Variants in AGMO observed in about 807,000 individuals in gnomAD.
The protein encoded by AGMO is glyceryl-ether monooxygenase.
Under a neutral mutation model 60.2 loss-of-function variants are expected in AGMO, and 75 were observed. That is an observed-to-expected ratio of 1.25 (90% CI 1.03 to 1.51). AGMO has a LOEUF of 1.51. AGMO is among the 40% of genes most tolerant of loss of function. The pLI is 0.00. For missense variants in AGMO, 763 were observed against 525.5 expected (o/e 1.45, Z -4.42); for synonymous variants, 261 against 177.1 (o/e 1.47, Z -3.76).
At chr7:15,379,878 T>A (rs1443168340) in intron 10 of AGMO, among the ~76,000 whole-genome samples, 3 of 152,262 alleles carry the variant, frequency 2.0e-5, no homozygotes, top group South Asian at 2.1e-4. Flanking sequence ...GTCAATGTGA[T>A]TCATTACGTT....
intron 12 of AGMO, among the ~76,000 whole-genome samples, chr7:15,243,258 T>C (rs1782645109): frequency 6.6e-6 from 1 of 152,110 alleles, no homozygotes; most frequent in African/African-American, 2.4e-5. Flanking sequence ...GGGTGGTAAA[T>C]ATTTATCAAT....
chr7:15,321,004 G>A (rs1781092365), intron 12 of AGMO, among the ~76,000 whole-genome samples: 1 of 152,074 alleles, frequency 6.6e-6, no homozygotes, highest in Non-Finnish European at 1.5e-5. Context: ...CACTCACCCT[G>A]TCCTAGCAAT....
rs1183602241 is a variant in AGMO at position 15,354,425 on chromosome 7, C to CGTGTGTACATAT, written c.1263+11088_1263+11089insATATGTACACAC. On this transcript the variant is annotated intron_variant, in intron 12 of 12. Transcript: ENST00000342526. ...GTGTGTACACACGTGTGTGTATACA[C>CGTGTGTACATAT]ACACGTGTGTGTATACACACGTGTG... is the stretch of plus-strand genomic sequence containing the variant. Among the ~76,000 whole-genome samples, 18 of 23,192 alleles carry CGTGTGTACATAT rather than the reference C, an allele frequency of 7.8e-4. 2 individuals are homozygous for CGTGTGTACATAT. The highest frequency in any genetic ancestry group is 5.2e-3 in the African/African-American group (14 of 2,710). The allele number at this position is 23,192 out of a possible 152,430, so 15.2% of individuals were successfully genotyped here.
At chr7:15,551,865 A>T (rs1444430895) in intron 2 of AGMO, among the ~76,000 whole-genome samples, 2 of 152,148 alleles carry the variant, frequency 1.3e-5, no homozygotes, top group Non-Finnish European at 2.9e-5. Flanking sequence ...TCACCAAGGC[A>T]ATCCTAAGCC....
At chr7:15,355,069 A>G (rs1335118340) in intron 12 of AGMO, among the ~76,000 whole-genome samples, 1 of 152,024 alleles carries the variant, frequency 6.6e-6, no homozygotes, top group East Asian at 1.9e-4. Flanking sequence ...ATGGACATAG[A>G]TTTTCCAATG....
chr7:15,199,887 C>T (rs563444898), downstream of AGMO, among the ~76,000 whole-genome samples: 7 of 152,264 alleles, frequency 4.6e-5, no homozygotes, highest in East Asian at 1.4e-3. Context: ...TTTAATCTTC[C>T]TCTGCTGTTC....
intron 6 of AGMO, among the ~76,000 whole-genome samples, chr7:15,392,050 T>C (rs1186090326): frequency 6.6e-6 from 1 of 152,030 alleles, no homozygotes; most frequent in Non-Finnish European, 1.5e-5. Context: ...TCTTCTCGAC[T>C]TCCTATATTT....
rs79806878 is a variant in AGMO at position 15,309,554 on chromosome 7, T to C, written c.1263+55960A>G. 1.5e-3 allele frequency among the ~76,000 whole-genome samples: 230 copies of C among 152,270 alleles called. No homozygotes were observed. In the East Asian group the frequency reaches 0.037, roughly 24 times the overall value. On this transcript the variant is annotated intron_variant, in intron 12 of 12. Coordinates refer to ENST00000342526, the MANE Select transcript of AGMO (RefSeq NM_001004320.2). ...CAATGTAAGTCAGGTGTTGTTTTCA[T>C]TGAATTTTATTTTTAAAGAGATATG... is the stretch of plus-strand genomic sequence containing the variant.
intron 3 of AGMO, among the ~76,000 whole-genome samples, chr7:15,536,886 A>C (rs1277843360): frequency 6.6e-6 from 1 of 152,008 alleles, no homozygotes; most frequent in Non-Finnish European, 1.5e-5. Context: ...TCAATAAATG[A>C]AAGTGGATAG....
chr7:15,301,353 C>T (rs556206846), intron 12 of AGMO, among the ~76,000 whole-genome samples: 1 of 152,038 alleles, frequency 6.6e-6, no homozygotes, highest in Non-Finnish European at 1.5e-5. Flanking sequence ...GCAGAAGAAT[C>T]ACGTGAACCC....
At chr7:15,142,024 A>G in the AGMO span, among the ~76,000 whole-genome samples, 595 of 152,248 alleles carry the variant, frequency 3.9e-3, 2 homozygotes, top group African/African-American at 0.012. Flanking sequence ...TCTCAGAGTC[A>G]AACTGCCTGA....
At chr7:15,352,625 C>T (rs544783487) in intron 12 of AGMO, among the ~76,000 whole-genome samples, 1 of 152,008 alleles carries the variant, frequency 6.6e-6, no homozygotes, top group Non-Finnish European at 1.5e-5. Flanking sequence ...ACCAGACATT[C>T]TGGCCTTGAG....
At position 15,528,725 on chromosome 7, in the gene AGMO, C is replaced by T. The variant is rs146468709; in HGVS notation, c.409+16047G>A. Among the ~76,000 whole-genome samples the T allele has an allele frequency of 4.7e-3, 712 of 152,012 alleles. 3 individuals carry two copies. Among genetic ancestry groups the T allele is most frequent in the African/African-American group, 0.016 (680 of 41,490 alleles). On this transcript the variant is annotated intron_variant, in intron 3 of 12. Coordinates refer to ENST00000342526, the MANE Select transcript of AGMO (RefSeq NM_001004320.2). ...GTGCAATGGCACGATCTCGGCTCAC[C>T]GCAACCTCCGCCTCCTAGGTTCAAG...
intron 12 of AGMO, among the ~76,000 whole-genome samples, chr7:15,325,801 A>G (rs550807177): frequency 2.0e-5 from 3 of 152,294 alleles, no homozygotes; most frequent in East Asian, 3.9e-4. Context: ...TTATCTTAAT[A>G]GGAAGTTTTA....
At chr7:15,237,763 G>A (rs959335810) in intron 12 of AGMO, among the ~76,000 whole-genome samples, 8 of 152,046 alleles carry the variant, frequency 5.3e-5, no homozygotes, top group Non-Finnish European at 4.4e-5. Context: ...CCAAAGTGTA[G>A]ACAGGCTTTC....
At chr7:15,485,154 A>G (rs1782878349) in intron 3 of AGMO, among the ~76,000 whole-genome samples, 1 of 150,484 alleles carries the variant, frequency 6.6e-6, no homozygotes, top group Non-Finnish European at 1.5e-5. Flanking sequence ...AAAAAAAAAA[A>G]AAAAAAGAAA....
At position 15,366,226 on chromosome 7, in the gene AGMO, T is replaced by C. The variant is rs748174213; in HGVS notation, c.1075-4A>G. The C allele has an allele frequency of 5.0e-6, 8 of 1,599,166 alleles. No individual in the cohort carries two copies. Among genetic ancestry groups the C allele is most frequent in the Non-Finnish European group, 6.0e-6 (7 of 1,171,586 alleles). ...GGAGAGTAACTTGCGACAGTGCCTG[T>C]CAAACAAACACGGAGATCAATGGAG... On this transcript the variant is annotated splice_region_variant and splice_polypyrimidine_tract_variant and intron_variant, in intron 10 of 12. Transcript: ENST00000342526.
the AGMO span, among the ~76,000 whole-genome samples, chr7:15,168,596 T>C: frequency 6.6e-6 from 1 of 152,224 alleles, no homozygotes; most frequent in Non-Finnish European, 1.5e-5. Context: ...TGGCTCTGCA[T>C]TGGCTAATAA....
chr7:15,289,655 G>C (rs1447506757), intron 12 of AGMO, among the ~76,000 whole-genome samples: 1 of 151,966 alleles, frequency 6.6e-6, no homozygotes, highest in Non-Finnish European at 1.5e-5. Flanking sequence ...TTCAGTACTA[G>C]CTTCTACCTA....
Sources: allele counts gnomAD v4.1 joint callset (sites outside exome capture counted in the v4.1 genomes callset), GRCh38; gene constraint gnomAD v4.1.1; transcripts MANE v1.5; gene names NCBI Gene and HGNC (gene_info 2026-07-23, HGNC 2026-07-21).